The following PUS3 variants were observed in gnomAD, a reference collection of about 807,000 sequenced individuals.
The protein encoded by PUS3 is pseudouridine synthase 3.
A neutral mutation model predicts 43.3 loss-of-function variants in PUS3; 36 were observed. The ratio of observed to expected loss-of-function variants is 0.83; its 90% CI spans 0.64 to 1.10. The LOEUF (loss-of-function observed/expected upper bound fraction) is 1.10. Ranked by LOEUF, PUS3 falls within the 50% of genes least tolerant of loss-of-function variation. The probability of loss-of-function intolerance (pLI) is 0.00; values close to 1 mark genes in which losing one functional copy is unlikely to be tolerated. For synonymous variants in PUS3, 183 were observed against 199.2 expected (o/e 0.92, Z 0.69); for missense variants, 544 against 589.9 (o/e 0.92, Z 0.81).
At chr11:125,902,127 G>A (rs1944789074) in intron 1 of PUS3, among the ~76,000 whole-genome samples, 1 of 152,114 alleles carries the variant, frequency 6.6e-6, no homozygotes, top group Non-Finnish European at 1.5e-5. Context: ...AACAGGACTT[G>A]GTACACTACA....
At chr11:125,902,888 C>A (rs549715612) in intron 1 of PUS3, among the ~76,000 whole-genome samples, 1 of 152,184 alleles carries the variant, frequency 6.6e-6, no homozygotes, top group South Asian at 2.1e-4. Context: ...CACTTTTGTA[C>A]TCCACAGTAC....
In PUS3 at chr11:125,895,468, C is replaced by T; in HGVS notation, c.700G>A (p.Val234Met). The T allele has an allele frequency of 6.2e-7, 1 of 1,614,120 alleles. No homozygotes were observed. Among genetic ancestry groups the T allele is most frequent in the Non-Finnish European group, 8.5e-7 (1 of 1,180,008 alleles). The change falls in exon 3 of 4, where the codon GTG (valine) becomes ATG (methionine). Residue 234 changes from valine to methionine, a missense_variant. Val to Met is a conservative substitution (Grantham distance 21, BLOSUM62 1). Coordinates refer to ENST00000227474, the MANE Select transcript of PUS3 (RefSeq NM_031307.4). Reference sequence around the variant, plus strand: ...AGAATAGTCCTCTGAAAATTAATCACACCGTTGGCTACATCCATTTTACAC... The same window carrying T: ...AGAATAGTCCTCTGAAAATTAATCATACCGTTGGCTACATCCATTTTACAC... The part of the protein sequence containing the change: ...NLCKMDVANG[V>M]INFQRTILSA...
chr11:125,895,815 G>C (rs1172477977), intron 2 of PUS3, 26 bp from the exon 3 acceptor site: 6 of 1,582,132 alleles, frequency 3.8e-6, no homozygotes, highest in Non-Finnish European at 5.1e-6. Context: ...AAGATACTGG[G>C]TTTTAGAGAC....
chr11:125,895,924 C>T lies in PUS3; in HGVS notation c.361G>A (p.Val121Ile). ...YHRCGRTDKG[V>I]SAFGQVISLD... ...GCCCTTACCTGTCCAAAGGCACTAACTCCTTTATCTGTTCTCCCACATCGG... is the reference window on the plus strand; with the variant it reads ...GCCCTTACCTGTCCAAAGGCACTAATTCCTTTATCTGTTCTCCCACATCGG... The change falls in exon 2 of 4, where the codon GTT (valine) becomes ATT (isoleucine). Residue 121 changes from valine to isoleucine, a missense_variant. Val to Ile is a conservative substitution (Grantham distance 29). Coordinates refer to ENST00000227474, the MANE Select transcript of PUS3 (RefSeq NM_031307.4). 6.2e-7 allele frequency: 1 copy of T among 1,613,214 alleles called. No homozygotes were observed. The highest frequency in any genetic ancestry group is 1.1e-5 in the South Asian group (1 of 91,080).
chr11:125,902,365 C>A (rs1031349990), intron 1 of PUS3, among the ~76,000 whole-genome samples: 1 of 13,814 alleles, frequency 7.2e-5, no homozygotes, highest in Non-Finnish European at 1.3e-4. Flanking sequence ...GAGGCCAAGA[C>A]GGGGTGGTGG....
intron 1 of PUS3, 28 bp from the exon 2 acceptor site, chr11:125,896,358 G>A (rs1944591905): frequency 7.4e-7 from 1 of 1,356,258 alleles, no homozygotes; most frequent in Non-Finnish European, 1.0e-6. Context: ...GGATACAACA[G>A]TTTCAATGCT....
chr11:125,900,846 TA>T (rs1443821947), intron 1 of PUS3: 1 of 152,180 alleles, frequency 6.6e-6, no homozygotes, highest in African/African-American at 2.4e-5. Flanking sequence ...CCGTCTCTAC[TA>T]AAAATACAAA....
At chr11:125,899,244 T>C (rs1944682350) in intron 1 of PUS3, 2 of 800,500 alleles carry the variant, frequency 2.5e-6, no homozygotes, top group Non-Finnish European at 4.1e-6. Flanking sequence ...CCTTAGCCAT[T>C]CTTTCTCCAT....
At position 125,896,229 on chromosome 11, in the gene PUS3, C is replaced by T. The variant is rs200689030; in HGVS notation, c.56G>A (p.Arg19Gln). 1.8e-5 allele frequency: 29 copies of T among 1,613,996 alleles called. No individual in the cohort carries two copies. Among genetic ancestry groups the T allele is most frequent in the African/African-American group, 1.3e-4 (10 of 75,012 alleles). The stretch of plus-strand genomic sequence containing the variant: ...TCTTTGCACCTCTTGCTCCAGTTCT[C>T]GTACTCTTTTTAGGAGCTTCTCAGT... ...NQTEKLLKRV[R>Q]ELEQEVQRLK... is the part of the protein sequence containing the mutation. The change falls in exon 2 of 4, where the codon CGA becomes CAA. Residue 19 changes from arginine (R) to glutamine (Q), a missense_variant. By Grantham distance (43) the Arg-to-Gln change is conservative. Coordinates refer to ENST00000227474, the MANE Select transcript of PUS3 (RefSeq NM_031307.4).
At chr11:125,901,233 GT>G (rs2134263752) in intron 1 of PUS3, among the ~76,000 whole-genome samples, 1 of 152,188 alleles carries the variant, frequency 6.6e-6, no homozygotes, top group Non-Finnish European at 1.5e-5. Flanking sequence ...CCTGCCAGCT[GT>G]TATTTCTGGA....
intron 1 of PUS3, among the ~76,000 whole-genome samples, chr11:125,901,382 A>G (rs559062830): frequency 6.6e-6 from 1 of 152,208 alleles, no homozygotes; most frequent in Admixed American, 6.5e-5. Context: ...ATATGAACCT[A>G]GCCTGTTTGG....
chr11:125,898,236 G>A (rs921873023), intron 1 of PUS3, among the ~76,000 whole-genome samples: 1 of 152,110 alleles, frequency 6.6e-6, no homozygotes, highest in African/African-American at 2.4e-5. Flanking sequence ...AGTTTAAAAA[G>A]AAAAATAGTG....
Position 125,895,729 on chromosome 11 carries a change from C to T in PUS3, c.439G>A (p.Val147Ile). 6.2e-7 allele frequency: 1 copy of T among 1,612,662 alleles called. No homozygotes were observed. Among genetic ancestry groups the T allele is most frequent in the Non-Finnish European group, 8.5e-7 (1 of 1,179,712 alleles). Residue 147 changes from valine (V) to isoleucine (I), a missense_variant, in exon 3 of 4, where the codon GTA becomes ATA. Coordinates refer to ENST00000227474, the MANE Select transcript of PUS3 (RefSeq NM_031307.4). ...PRGRDSEDFN[V>I]KEEANAAAEE... ...GCAGCAGCATTAGCCTCCTCTTTTA[C>T]ATTAAAGTCCTCGGAATCCCTGCCC...
intron 1 of PUS3, 30 bp downstream of exon 1, chr11:125,903,140 A>G: frequency 1.0e-6 from 1 of 975,804 alleles, no homozygotes; most frequent in Non-Finnish European, 1.2e-6. Flanking sequence ...GAACCCAGAA[A>G]GTAACCCACT....
At chr11:125,898,686 T>A (rs2134254393) in intron 1 of PUS3, among the ~76,000 whole-genome samples, 1 of 151,932 alleles carries the variant, frequency 6.6e-6, no homozygotes, top group East Asian at 1.9e-4. Flanking sequence ...AAAAAAAAAA[T>A]TATTAAAGCA....
In PUS3 at chr11:125,893,981, C is replaced by G. The variant is rs376386339; in HGVS notation, c.1250G>C (p.Arg417Pro). Residue 417 changes from arginine (R) to proline (P), a missense_variant, in exon 4 of 4, where the codon CGT (arginine) becomes CCT (proline). By Grantham distance (103) the Arg-to-Pro change is moderately radical (BLOSUM62 -2). Coordinates refer to ENST00000227474, the MANE Select transcript of PUS3 (RefSeq NM_031307.4). ...KMRTYKPLMDRPKCQGLESRI... is the reference protein window; with the variant it reads ...KMRTYKPLMDPPKCQGLESRI... Reference sequence around the variant, plus strand: ...GGATTCCAGTCCTTGGCATTTAGGACGGTCCATGAGGGGCTTATATGTGCG... The same window carrying G: ...GGATTCCAGTCCTTGGCATTTAGGAGGGTCCATGAGGGGCTTATATGTGCG... 4 of 1,613,984 alleles carry G rather than the reference C, an allele frequency of 2.5e-6. No homozygotes were observed. The highest frequency in any genetic ancestry group is 3.4e-6 in the Non-Finnish European group (4 of 1,180,022).
At chr11:125,900,551 C>T (rs2134261769) in intron 1 of PUS3, 2 of 414,396 alleles carry the variant, frequency 4.8e-6, no homozygotes, top group South Asian at 2.4e-5. Flanking sequence ...TGTCCTGTAA[C>T]TTTTTTTACC....
rs748950576 is a variant in PUS3 at position 125,899,873 on chromosome 11, A to G, written c.-47+3297T>C. ...CCAAGGAATTTCTCAAGATCAGCTC[A>G]TTTGCTCTCTACAAAGAGAAGGAAT... On this transcript the variant is annotated intron_variant, in intron 1 of 3. Coordinates refer to ENST00000227474, the MANE Select transcript of PUS3 (RefSeq NM_031307.4). 4 of 1,613,140 alleles carry G rather than the reference A, an allele frequency of 2.5e-6. No homozygotes were observed. In the South Asian group the frequency reaches 3.3e-5, roughly 13 times the overall value.
chr11:125,903,030 C>T (rs1002054222), intron 1 of PUS3, 140 bp downstream of exon 1: 1 of 212,350 alleles, frequency 4.7e-6, no homozygotes, highest in Non-Finnish European at 8.1e-6. Flanking sequence ...CATTTCCATA[C>T]GGCAATGCTT....
Sources: allele counts gnomAD v4.1 joint callset (sites outside exome capture counted in the v4.1 genomes callset), GRCh38; gene constraint gnomAD v4.1.1; transcripts MANE v1.5; gene names NCBI Gene and HGNC (gene_info 2026-07-23, HGNC 2026-07-21).